ADAMTS6: variants seen among roughly 807,000 people sequenced by gnomAD.
ADAMTS6 encodes A disintegrin and metalloproteinase with thrombospondin motifs 6.
Under a neutral mutation model 144.3 loss-of-function variants are expected in ADAMTS6, and 23 were observed. The observed-to-expected ratio is 0.16, with a 90% CI of 0.11 to 0.23. The LOEUF (loss-of-function observed/expected upper bound fraction) is 0.23. ADAMTS6 is among the 10% of genes least tolerant of loss of function. The probability of loss-of-function intolerance (pLI) is 1.00; values close to 1 mark genes in which losing one functional copy is unlikely to be tolerated. For synonymous variants in ADAMTS6, 444 were observed against 457.5 expected (o/e 0.97, Z 0.38); for missense variants, 999 against 1,379.6 (o/e 0.72, Z 4.37).
chr5:65,303,952 T>A (rs912345418), intron 9 of ADAMTS6, among the ~76,000 whole-genome samples: 1 of 152,150 alleles, frequency 6.6e-6, no homozygotes, highest in African/African-American at 2.4e-5. Flanking sequence ...GGACATCAAC[T>A]GAAAAATACA....
intron 4 of ADAMTS6, among the ~76,000 whole-genome samples, chr5:65,453,773 G>A (rs1376200012): frequency 2.6e-5 from 4 of 152,056 alleles, no homozygotes; most frequent in South Asian, 2.1e-4. Flanking sequence ...TATTGAACAG[G>A]AAATCTTTCT....
chr5:65,424,833 A>G (rs1480737233), intron 7 of ADAMTS6, among the ~76,000 whole-genome samples: 1 of 152,180 alleles, frequency 6.6e-6, no homozygotes, highest in Non-Finnish European at 1.5e-5. Context: ...TTCCTTGATC[A>G]GTGGACTCTA....
intron 7 of ADAMTS6, among the ~76,000 whole-genome samples, chr5:65,384,768 T>A (rs1052462918): frequency 6.6e-6 from 1 of 152,220 alleles, no homozygotes; most frequent in Admixed American, 6.5e-5. Flanking sequence ...TTTTTAGGTA[T>A]TTGTTATACG....
intron 7 of ADAMTS6, among the ~76,000 whole-genome samples, chr5:65,356,483 T>C (rs557890050): frequency 6.6e-6 from 1 of 151,860 alleles, no homozygotes; most frequent in South Asian, 2.1e-4. Flanking sequence ...GCATATTTCA[T>C]AAGAATGGAA....
Position 65,345,038 on chromosome 5 carries a change from G to A in ADAMTS6, c.1074-10953C>T, listed in dbSNP as rs546845258. The stretch of plus-strand genomic sequence containing the variant: ...TTTACATATGCGTTTTTCTACACTA[G>A]ACTCAAATTCTCTGAGATTAGGGAG... On this transcript the variant is annotated intron_variant, in intron 7 of 24. Coordinates refer to ENST00000381055, the MANE Select transcript of ADAMTS6 (RefSeq NM_197941.4). Among the ~76,000 whole-genome samples, 11 of 151,802 alleles carry A rather than the reference G, an allele frequency of 7.2e-5. No homozygotes were observed. In the South Asian group the frequency reaches 2.3e-3, roughly 32 times the overall value.
At chr5:65,216,651 T>A (rs1323638242) in intron 18 of ADAMTS6, among the ~76,000 whole-genome samples, 2 of 152,064 alleles carry the variant, frequency 1.3e-5, no homozygotes, top group Non-Finnish European at 2.9e-5. Flanking sequence ...TCTTAAAATG[T>A]CAGGAGAAAA....
chr5:65,412,886 A>C (rs559888772), intron 7 of ADAMTS6, among the ~76,000 whole-genome samples: 1 of 152,292 alleles, frequency 6.6e-6, no homozygotes, highest in African/African-American at 2.4e-5. Flanking sequence ...TTTGTAGTTG[A>C]AAATGTTAAT....
intron 12 of ADAMTS6, 77 bp from the exon 13 acceptor site, chr5:65,263,039 G>A: frequency 6.3e-7 from 1 of 1,576,904 alleles, no homozygotes. Context: ...ATAAGGGTCA[G>A]GTACTGACCA....
intron 11 of ADAMTS6, among the ~76,000 whole-genome samples, chr5:65,280,245 A>G (rs1017948671): frequency 6.6e-6 from 1 of 152,192 alleles, no homozygotes; most frequent in African/African-American, 2.4e-5. Context: ...CTTCCTTCTT[A>G]GAGACATTGG....
At chr5:65,447,018 C>T (rs1561549545) in intron 7 of ADAMTS6, among the ~76,000 whole-genome samples, 1 of 152,058 alleles carries the variant, frequency 6.6e-6, no homozygotes, top group Non-Finnish European at 1.5e-5. Context: ...AATTTCTACC[C>T]TAAATATAAA....
chr5:65,225,372 A>G (rs1216420617), intron 16 of ADAMTS6, among the ~76,000 whole-genome samples: 2 of 152,234 alleles, frequency 1.3e-5, no homozygotes, highest in African/African-American at 4.8e-5. Flanking sequence ...AAATTATGAG[A>G]CTAAGTAAAA....
At chr5:65,325,190 T>C (rs1746042226) in intron 9 of ADAMTS6, among the ~76,000 whole-genome samples, 1 of 152,156 alleles carries the variant, frequency 6.6e-6, no homozygotes, top group Non-Finnish European at 1.5e-5. Context: ...TTTCAGGTAA[T>C]AGAAATGTTC....
chr5:65,398,858 G>A (rs1561502130), intron 7 of ADAMTS6, among the ~76,000 whole-genome samples: 16 of 149,880 alleles, frequency 1.1e-4, no homozygotes, highest in South Asian at 6.3e-4. Context: ...GAAAAAGAAA[G>A]AGAAAGAAAG....
intron 7 of ADAMTS6, among the ~76,000 whole-genome samples, chr5:65,413,580 A>T (rs1755247530): frequency 6.6e-6 from 1 of 152,176 alleles, no homozygotes; most frequent in African/African-American, 2.4e-5. Context: ...ATCCCTGAAG[A>T]ATGCTTTTAT....
In ADAMTS6 at chr5:65,334,035, A is replaced by AAAAAAAAAAAAAC; in HGVS notation, c.1117+6_1117+7insGTTTTTTTTTTTT. 6.9e-7 allele frequency: 1 copy of AAAAAAAAAAAAAC among 1,440,874 alleles called. No individual in the cohort carries two copies. The highest frequency in any genetic ancestry group is 9.1e-7 in the Non-Finnish European group (1 of 1,099,630). The allele number at this position is 1,440,874 out of a possible 1,614,324, so 89.3% of individuals were successfully genotyped here. ...AAAAAAAAAAAAAAAAACCAAAAAAAACTTACCCAGTGTTCCACAGGGCTT... is the reference window on the plus strand; with the variant it reads ...AAAAAAAAAAAAAAAAACCAAAAAAAAAAAAAAAAAAACACTTACCCAGTGTTCCACAGGGCTT... On this transcript the variant is annotated splice_region_variant and intron_variant, in intron 8 of 24. Transcript: ENST00000381055.
intron 7 of ADAMTS6, among the ~76,000 whole-genome samples, chr5:65,410,566 C>G (rs148793065): frequency 7.0e-4 from 106 of 152,180 alleles, no homozygotes; most frequent in African/African-American, 2.5e-3. Context: ...TTGCAATTTT[C>G]AAGTATGCAA....
At chr5:65,242,320 T>A (rs1759261236) in intron 14 of ADAMTS6, 114 bp from the exon 15 acceptor site, 1 of 614,720 alleles carries the variant, frequency 1.6e-6, no homozygotes, top group East Asian at 2.9e-5. Context: ...TCTGTGGCTA[T>A]AATTCTGGCA....
Position 65,460,185 on chromosome 5 carries a change from G to A in ADAMTS6, c.616C>T (p.His206Tyr), listed in dbSNP as rs1485626995. 6.2e-7 allele frequency: 1 copy of A among 1,614,020 alleles called. No individual in the cohort carries two copies. The highest frequency in any genetic ancestry group is 1.1e-5 in the South Asian group (1 of 91,052). Residue 206 changes from histidine (H) to tyrosine (Y), a missense_variant, in exon 4 of 25, where the codon CAT (histidine) becomes TAT (tyrosine). Transcript: ENST00000381055. ...LQQRHLYDHS[H>Y]CGVSDFTRSG... ...ACTCACTCACCCGAAACCCCACAAT[G>A]AGAGTGATCATACAGATGTCGTTGT... is the stretch of plus-strand genomic sequence containing the variant.
intron 22 of ADAMTS6, among the ~76,000 whole-genome samples, chr5:65,174,640 G>A (rs561196037): frequency 1.3e-5 from 2 of 152,262 alleles, no homozygotes; most frequent in Admixed American, 6.5e-5. Flanking sequence ...TGCCTGTACC[G>A]GCACTTTGGT....
Sources: gnomAD v4.1 joint callset for allele counts (sites outside exome capture counted in the v4.1 genomes callset) on GRCh38, gnomAD v4.1.1 for gene constraint, MANE v1.5 for transcripts, NCBI Gene and HGNC (gene_info 2026-07-23, HGNC 2026-07-21) for gene names.